ARHGAP33: variants seen among roughly 807,000 people sequenced by gnomAD.
ARHGAP33 encodes the protein rho GTPase-activating protein 33.
A neutral mutation model predicts 126.2 loss-of-function variants in ARHGAP33; 57 were observed. The observed-to-expected ratio is 0.45, with a 90% CI of 0.36 to 0.56. ARHGAP33 has a LOEUF of 0.56. Among genes scored for constraint, ARHGAP33 ranks in the 20% least tolerant of loss-of-function variants. The pLI is 0.00. For synonymous variants in ARHGAP33, 711 were observed against 755.0 expected, an observed-to-expected ratio of 0.94 and a Z score of 0.95; for missense variants, 1,500 against 1,748.3, an observed-to-expected ratio of 0.86 and a Z score of 2.53.
At chr19:35,778,734 G>T in intron 5 of ARHGAP33, 133 bp downstream of exon 5, 1 of 1,289,142 alleles carries the variant, frequency 7.8e-7, no homozygotes, top group East Asian at 2.5e-5. Context: ...TGAATGAATG[G>T]AGAAGCCTTA....
At position 35,778,348 on chromosome 19, in the gene ARHGAP33, G is replaced by T; in HGVS notation, c.258G>T (p.Gln86His). Residue 86 changes from glutamine (Q) to histidine (H), a missense_variant, in exon 4 of 21, where the codon CAG becomes CAT. Around this residue, in one of 6 missense-constraint regions of ARHGAP33, gnomAD observed 129 missense variants for 145.9 expected, o/e 0.88. Transcript: ENST00000007510. The part of the protein sequence containing the change: ...SGENELVFGV[Q>H]VTCQGRSWPV... ...AGAATGAGCTGGTGTTCGGGGTGCAGGTGACCTGTCAGGTGAGGCCATCCC... is the reference window on the plus strand; with the variant it reads ...AGAATGAGCTGGTGTTCGGGGTGCATGTGACCTGTCAGGTGAGGCCATCCC... 1 of 1,614,226 alleles carries T rather than the reference G, an allele frequency of 6.2e-7. No individual in the cohort carries two copies. Among genetic ancestry groups the T allele is most frequent in the Middle Eastern group, 1.6e-4 (1 of 6,062 alleles).
chr19:35,776,272 T>G (rs1267173686), intron 1 of ARHGAP33, among the ~76,000 whole-genome samples: 1 of 151,248 alleles, frequency 6.6e-6, no homozygotes, highest in Non-Finnish European at 1.5e-5. Context: ...CCTCCCTTGA[T>G]CCTCGGGTCT....
At chr19:35,781,967 G>A (rs1036984392) in intron 12 of ARHGAP33, among the ~76,000 whole-genome samples, 8 of 152,158 alleles carry the variant, frequency 5.3e-5, no homozygotes, top group Non-Finnish European at 1.5e-5. Flanking sequence ...GTGGCAATGG[G>A]TGGGAGATTT....
At position 35,786,375 on chromosome 19, in the gene ARHGAP33, T is replaced by G. The variant is rs1642576906; in HGVS notation, c.1943-38T>G. On this transcript the variant is annotated intron_variant, in intron 19 of 20. Transcript: ENST00000007510. The surrounding 1 kb of genome is among the most constrained non-coding windows in gnomAD (Gnocchi z 7.0). ...CAGCTTTCTGTGGGGCTGTGCGCCC[T>G]GTTCTCAGGGATGGTCTCACTGACC... is the stretch of plus-strand genomic sequence containing the variant. 6.7e-7 allele frequency: 1 copy of G among 1,500,842 alleles called. No homozygotes were observed. Among genetic ancestry groups the G allele is most frequent in the African/African-American group, 1.4e-5 (1 of 72,384 alleles). 93.0% of individuals were successfully genotyped at this position (1,500,842 alleles called of 1,614,324 possible).
At chr19:35,780,854 C>A in intron 10 of ARHGAP33, 38 bp downstream of exon 10, 1 of 1,613,406 alleles carries the variant, frequency 6.2e-7, no homozygotes, top group Non-Finnish European at 8.5e-7. Flanking sequence ...GCCCCTACCC[C>A]ACCAGGCCCC....
At chr19:35,777,257 G>A (rs143243494) in intron 1 of ARHGAP33, among the ~76,000 whole-genome samples, 129 of 152,268 alleles carry the variant, frequency 8.5e-4, no homozygotes, top group Non-Finnish European at 1.4e-3. Context: ...AGGCTATTGC[G>A]GAAAAGCTGG....
intron 19 of ARHGAP33, chr19:35,785,726 T>A (rs765037690): frequency 8.1e-6 from 11 of 1,364,890 alleles, no homozygotes; most frequent in Non-Finnish European, 1.0e-5. Flanking sequence ...ATTATTCCTG[T>A]TGAACATTTT....
In ARHGAP33 at chr19:35,785,198, GGA is replaced by G. The variant is rs1568430404; in HGVS notation, c.1737_1738del (p.Lys582AlafsTer108). 1.3e-6 allele frequency: 2 copies of G among 1,577,842 alleles called. No homozygotes were observed. The highest frequency in any genetic ancestry group is 1.4e-5 in the African/African-American group (1 of 73,652). On this transcript the variant is annotated frameshift_variant, in exon 18 of 21. Transcript: ENST00000007510. LOFTEE classifies it high-confidence loss of function. ...PASPAERRKG[E>X]RGEKQRKPGG... is the part of the protein sequence containing the mutation. ...CTCCCCCAAACCGCAGGAGGAAAGG[GGA>G]GAGAGGGGAGAAGCAGCGGAAGCCA...
chr19:35,788,466 C>A lies in ARHGAP33; in HGVS notation c.*37C>A. On this transcript the variant is annotated 3_prime_UTR_variant, in exon 21 of 21. Coordinates refer to ENST00000007510, the MANE Select transcript of ARHGAP33 (RefSeq NM_001366178.1). ...GAGGGGCCGTCCTTCCTTCCCTTCA[C>A]CCTCACTGGATCTTGGCCCAACCAA... 6.8e-7 allele frequency: 1 copy of A among 1,471,184 alleles called. No individual in the cohort carries two copies. The highest frequency in any genetic ancestry group is 1.3e-5 in the South Asian group (1 of 74,180). The allele number at this position is 1,471,184 out of a possible 1,614,324, so 91.1% of individuals were successfully genotyped here. A position where few individuals can be genotyped will look rare whatever the true frequency, so the allele number is the denominator to read the frequency against.
At position 35,781,048 on chromosome 19, in the gene ARHGAP33, C is replaced by T. The variant is rs1971742431; in HGVS notation, c.958C>T (p.His320Tyr). ...GGTGTTTGGCTGCGATCTTGGCGAG[C>T]ACCTCAGCAACTCAGGCCAGGATGG... ...QRVFGCDLGE[H>Y]LSNSGQDVPQ... Residue 320 changes from histidine to tyrosine, a missense_variant, in exon 11 of 21, where the codon CAC (histidine) becomes TAC (tyrosine). His to Tyr is a moderately conservative substitution (Grantham distance 83, BLOSUM62 2). Coordinates refer to ENST00000007510, the MANE Select transcript of ARHGAP33 (RefSeq NM_001366178.1). 6.2e-7 allele frequency: 1 copy of T among 1,612,322 alleles called. No individual in the cohort carries two copies. The highest frequency in any genetic ancestry group is 1.7e-5 in the Admixed American group (1 of 60,002).
At position 35,786,885 on chromosome 19, in the gene ARHGAP33, C is replaced by G; in HGVS notation, c.2415C>G (p.Pro805=). 1 of 1,608,092 alleles carries G rather than the reference C, an allele frequency of 6.2e-7. No homozygotes were observed. Among genetic ancestry groups the G allele is most frequent in the Middle Eastern group, 1.7e-4 (1 of 5,984 alleles). ...ISEPLAVSVP[P]AVLELLGAGG... ...AGCCCCTGGCTGTATCAGTGCCACC[C>G]GCTGTCCTAGAACTGCTGGGGGCTG... The change falls in exon 20 of 21, where the codon CCC becomes CCG. Residue 805 remains proline, a synonymous_variant. Transcript: ENST00000007510. This position sits in a 1 kb window ranked among gnomAD's most constrained non-coding sequence, Gnocchi z 7.0.
rs1231343254 is a variant in ARHGAP33, at chr19:35,786,793, A to AC, written c.2329dup (p.Gln777ProfsTer74). ...TGCCTCTGCCTTCCCACCCAGGGTG[A>AC]CCCCCCAGGCCATCTCGCCCCGGGG... is the stretch of plus-strand genomic sequence containing the variant. On this transcript the variant is annotated frameshift_variant, in exon 20 of 21. Transcript: ENST00000007510. LOFTEE classifies it high-confidence loss of function. This position sits in a 1 kb window ranked among gnomAD's most constrained non-coding sequence, Gnocchi z 7.0. The AC allele has an allele frequency of 2.1e-6, 3 of 1,444,464 alleles. No homozygotes were observed. The highest frequency in any genetic ancestry group is 2.8e-5 in the East Asian group (1 of 35,900). The allele number at this position is 1,444,464 out of a possible 1,614,324, so 89.5% of individuals were successfully genotyped here.
chr19:35,786,311 G>A lies in ARHGAP33; in HGVS notation c.1943-102G>A. On this transcript the variant is annotated intron_variant, in intron 19 of 20. Coordinates refer to ENST00000007510, the MANE Select transcript of ARHGAP33 (RefSeq NM_001366178.1). This position sits in a 1 kb window ranked among gnomAD's most constrained non-coding sequence, Gnocchi z 7.0. ...CAGCTCTTCCTGGCTTCACACTACTGTGGCCCTCTCCAGGAGGCGCCTCTT... is the reference window on the plus strand; with the variant it reads ...CAGCTCTTCCTGGCTTCACACTACTATGGCCCTCTCCAGGAGGCGCCTCTT... 3 of 1,448,130 alleles carry A rather than the reference G, an allele frequency of 2.1e-6. No individual in the cohort carries two copies. Among genetic ancestry groups the A allele is most frequent in the Non-Finnish European group, 2.7e-6 (3 of 1,105,046 alleles). The allele number at this position is 1,448,130 out of a possible 1,614,324, so 89.7% of individuals were successfully genotyped here.
chr19:35,781,084 G>GGGGGCC lies in ARHGAP33; in HGVS notation c.982+12_982+13insGGGGCC. 3 of 1,607,536 alleles carry GGGGGCC rather than the reference G, an allele frequency of 1.9e-6. No homozygotes were observed. The highest frequency in any genetic ancestry group is 1.7e-6 in the Non-Finnish European group (2 of 1,176,464). ...CTCAGGCCAGGATGGTGAGGCCGGG[G>GGGGGCC]CCCACCCACCCCACCCGTCACACCA... On this transcript the variant is annotated intron_variant, in intron 11 of 20. Coordinates refer to ENST00000007510, the MANE Select transcript of ARHGAP33 (RefSeq NM_001366178.1).
In ARHGAP33 at chr19:35,782,319, G is replaced by A. The variant is rs147735030; in HGVS notation, c.1086-54G>A. On this transcript the variant is annotated intron_variant, in intron 12 of 20. Coordinates refer to ENST00000007510, the MANE Select transcript of ARHGAP33 (RefSeq NM_001366178.1). This position sits in a 1 kb window ranked among gnomAD's most constrained non-coding sequence, Gnocchi z 4.1. ...GTAGGGGCAAGGGGAGCATGGCCAC[G>A]TGAGCGAGCCCCTCTGACCTGGATC... 1.8e-3 allele frequency: 2,818 copies of A among 1,566,316 alleles called. 21 individuals are homozygous for A. The highest frequency in any genetic ancestry group is 0.014 in the South Asian group (1,182 of 84,976).
chr19:35,782,147 G>A lies in ARHGAP33; in HGVS notation c.1086-226G>A, dbSNP rs140053177. 7.9e-4 allele frequency among the ~76,000 whole-genome samples: 121 copies of A among 152,270 alleles called. No individual in the cohort carries two copies. Among genetic ancestry groups the A allele is most frequent in the African/African-American group, 2.7e-3 (113 of 41,548 alleles). On this transcript the variant is annotated intron_variant, in intron 12 of 20. Coordinates refer to ENST00000007510, the MANE Select transcript of ARHGAP33 (RefSeq NM_001366178.1). This position sits in a 1 kb window ranked among gnomAD's most constrained non-coding sequence, Gnocchi z 4.1. The stretch of plus-strand genomic sequence containing the variant: ...GGTAGCTGCAGGCAGAGGCACCTCT[G>A]TCTGAGCCTCAGCATCCTCCTCTGT...
rs537093719 is a variant in ARHGAP33 at position 35,784,417 on chromosome 19, A to G, written c.1567+100A>G. 45 of 1,429,108 alleles carry G rather than the reference A, an allele frequency of 3.1e-5. 1 individual carries two copies. In the South Asian group the frequency reaches 4.2e-4, roughly 13 times the overall value. 88.5% of individuals were successfully genotyped at this position (1,429,108 alleles called of 1,614,324 possible). A position where few individuals can be genotyped will look rare whatever the true frequency, so the allele number is the denominator to read the frequency against. On this transcript the variant is annotated intron_variant, in intron 16 of 20. Coordinates refer to ENST00000007510, the MANE Select transcript of ARHGAP33 (RefSeq NM_001366178.1). ...TCCCAGTCCCGTCCCCACCCCACTGAAGCTGGGCCTCCCTCCGGCTCCTTG... is the reference window on the plus strand; with the variant it reads ...TCCCAGTCCCGTCCCCACCCCACTGGAGCTGGGCCTCCCTCCGGCTCCTTG...
chr19:35,778,175 C>T (rs548484472), intron 3 of ARHGAP33, 105 bp from the exon 4 acceptor site: 27 of 1,209,848 alleles, frequency 2.2e-5, no homozygotes, highest in African/African-American at 6.0e-5. Flanking sequence ...GCCCTGTCCT[C>T]GGGGAGGTCC....
rs1972176624 is a variant in ARHGAP33, at chr19:35,787,382, G to A, written c.2817G>A (p.Val939=). Residue 939 remains valine (V), a synonymous_variant, in exon 21 of 21, where the codon GTG becomes GTA. Transcript: ENST00000007510. ...TCCACCGCTCGCTGTCTCTGGAGGTGGGCGGGGAGCCCCTGGGGACCTCAG... is the reference window on the plus strand; with the variant it reads ...TCCACCGCTCGCTGTCTCTGGAGGTAGGCGGGGAGCCCCTGGGGACCTCAG... ...SPFHRSLSLE[V]GGEPLGTSGS... 3 of 1,609,468 alleles carry A rather than the reference G, an allele frequency of 1.9e-6. No homozygotes were observed. Among genetic ancestry groups the A allele is most frequent in the East Asian group, 2.2e-5 (1 of 44,778 alleles).
Sources: gnomAD v4.1 joint callset for allele counts (sites outside exome capture counted in the v4.1 genomes callset) on GRCh38, gnomAD v4.1.1 for gene constraint, gnomAD v4.1.1 regional missense constraint, Gnocchi (gnomAD v3.1) non-coding constraint, MANE v1.5 for transcripts, NCBI Gene and HGNC (gene_info 2026-07-23, HGNC 2026-07-21) for gene names.